The following CCDC73 variants were observed in gnomAD, a reference collection of about 807,000 sequenced individuals.
CCDC73 encodes coiled-coil domain containing 73.
A neutral mutation model predicts 116.5 loss-of-function variants in CCDC73; 95 were observed. That is an observed-to-expected ratio of 0.82 (90% CI 0.69 to 0.97). The LOEUF (loss-of-function observed/expected upper bound fraction) is 0.97. Ranked by LOEUF, CCDC73 falls within the 50% of genes least tolerant of loss-of-function variation. The pLI is 0.00. For missense variants in CCDC73, 1,066 were observed against 1,206.8 expected (o/e 0.88, Z 1.73); for synonymous variants, 398 against 401.3 (o/e 0.99, Z 0.10).
chr11:32,694,186 C>T lies in CCDC73; in HGVS notation c.390+5065G>A, dbSNP rs1319897500. Among the ~76,000 whole-genome samples the T allele has an allele frequency of 5.3e-5, 8 of 152,320 alleles. No homozygotes were observed. In the East Asian group the frequency reaches 1.5e-3, roughly 29 times the overall value. On this transcript the variant is annotated intron_variant, in intron 6 of 17. Coordinates refer to ENST00000335185, the MANE Select transcript of CCDC73 (RefSeq NM_001008391.4). ...AAACCCCATCGTCTCAGCCCAAAAT[C>T]TCCTTAAGCTGATAAGCAACTTCAG...
the CCDC73 span, among the ~76,000 whole-genome samples, chr11:32,808,714 G>A: frequency 6.6e-6 from 1 of 151,674 alleles, no homozygotes; most frequent in East Asian, 1.9e-4. Flanking sequence ...GCTTTTATAA[G>A]ATAAGAAATA....
chr11:32,676,763 G>A lies in CCDC73; in HGVS notation c.430-742C>T, dbSNP rs75951414. 9.2e-5 allele frequency among the ~76,000 whole-genome samples: 14 copies of A among 152,230 alleles called. No homozygotes were observed. In the East Asian group the frequency reaches 2.7e-3, roughly 29 times the overall value. On this transcript the variant is annotated intron_variant, in intron 7 of 17. Coordinates refer to ENST00000335185, the MANE Select transcript of CCDC73 (RefSeq NM_001008391.4). ...TCAGCCGCTGAACTCCAGCCCAGGT[G>A]ACAAAGCAAGACCCCATCGCTAAAA... is the stretch of plus-strand genomic sequence containing the variant.
chr11:32,640,897 G>C (rs1855726244), intron 13 of CCDC73, among the ~76,000 whole-genome samples: 1 of 151,860 alleles, frequency 6.6e-6, no homozygotes, highest in Admixed American at 6.6e-5. Context: ...GGTGCCTGTA[G>C]TCCCAGCTAC....
chr11:32,614,825 CTAAT>C lies in CCDC73; in HGVS notation c.1489_1492del (p.Ile497ValfsTer19), dbSNP rs1855460136. On this transcript the variant is annotated frameshift_variant, in exon 16 of 18. Coordinates refer to ENST00000335185, the MANE Select transcript of CCDC73 (RefSeq NM_001008391.4). LOFTEE classifies it high-confidence loss of function. ...CGTAACATTCGAGGTTTGTCCTTGA[CTAAT>C]TACTTCTTTATCTAAGGAGAGGGTT... 2 of 1,613,148 alleles carry C rather than the reference CTAAT, an allele frequency of 1.2e-6. No individual in the cohort carries two copies. Among genetic ancestry groups the C allele is most frequent in the Non-Finnish European group, 1.7e-6 (2 of 1,179,500 alleles).
intron 14 of CCDC73, among the ~76,000 whole-genome samples, chr11:32,629,686 T>C (rs1441166840): frequency 2.7e-5 from 4 of 148,634 alleles, no homozygotes; most frequent in Non-Finnish European, 4.4e-5. Flanking sequence ...TAAGCCTCCG[T>C]GCCCAGCCGA....
the CCDC73 span, among the ~76,000 whole-genome samples, chr11:32,814,906 T>TAATCACATGTGAAAGAAGTGATTAG: frequency 1.3e-5 from 2 of 152,182 alleles, no homozygotes; most frequent in African/African-American, 4.8e-5. Context: ...AACATCATGC[T>TAATCACATGTGAAAGAAGTGATTAG]AAGTGAAAGA....
chr11:32,808,416 A>T, the CCDC73 span, among the ~76,000 whole-genome samples: 2 of 152,228 alleles, frequency 1.3e-5, no homozygotes, highest in African/African-American at 4.8e-5. Context: ...AGGTGGGCAG[A>T]TAACTTGAGG....
chr11:32,774,338 C>G (rs759285523), intron 1 of CCDC73, among the ~76,000 whole-genome samples: 5 of 152,156 alleles, frequency 3.3e-5, no homozygotes. Flanking sequence ...CAATGCTCCT[C>G]TATTTGCTTT....
chr11:32,653,341 T>C (rs1855843619), intron 11 of CCDC73, 114 bp from the exon 12 acceptor site: 1 of 593,688 alleles, frequency 1.7e-6, no homozygotes, highest in Admixed American at 3.5e-5. Context: ...TAGTTTAATT[T>C]CAATACTTTA....
chr11:32,657,711 T>A (rs967198016), intron 9 of CCDC73, among the ~76,000 whole-genome samples: 3 of 152,110 alleles, frequency 2.0e-5, no homozygotes, highest in African/African-American at 7.2e-5. Context: ...CACAAATTGG[T>A]AATACCTCTA....
At chr11:32,809,761 A>G in the CCDC73 span, among the ~76,000 whole-genome samples, 5 of 152,184 alleles carry the variant, frequency 3.3e-5, no homozygotes, top group East Asian at 7.7e-4. Context: ...ATCATGACCT[A>G]ATCCTTGACT....
intron 3 of CCDC73, among the ~76,000 whole-genome samples, chr11:32,707,740 TA>T: frequency 6.6e-6 from 1 of 152,152 alleles, no homozygotes; most frequent in Non-Finnish European, 1.5e-5. Flanking sequence ...GGGGTAAATG[TA>T]TCACTCCTGA....
intron 13 of CCDC73, among the ~76,000 whole-genome samples, chr11:32,639,972 C>A (rs1017648109): frequency 1.3e-5 from 2 of 151,868 alleles, no homozygotes; most frequent in Non-Finnish European, 2.9e-5. Context: ...TTTTGAATGA[C>A]CAAATATGAA....
intron 9 of CCDC73, among the ~76,000 whole-genome samples, chr11:32,664,287 T>C (rs1241342219): frequency 1.3e-5 from 2 of 152,200 alleles, no homozygotes; most frequent in Non-Finnish European, 1.5e-5. Context: ...CCGGTAGAAT[T>C]TGGCTGTGAA....
At chr11:32,734,001 T>C (rs959422175) in intron 2 of CCDC73, among the ~76,000 whole-genome samples, 8 of 151,988 alleles carry the variant, frequency 5.3e-5, no homozygotes, top group Non-Finnish European at 8.8e-5. Context: ...TTTGAAAAGA[T>C]CAACAAAATT....
At chr11:32,766,500 G>C (rs1850443511) in intron 1 of CCDC73, among the ~76,000 whole-genome samples, 1 of 152,272 alleles carries the variant, frequency 6.6e-6, no homozygotes, top group Middle Eastern at 3.4e-3. Context: ...TTCAGTTAGG[G>C]AAAGAGGAAG....
chr11:32,803,302 G>A, the CCDC73 span, among the ~76,000 whole-genome samples: 1 of 151,658 alleles, frequency 6.6e-6, no homozygotes, highest in Non-Finnish European at 1.5e-5. Context: ...TGTTGGCCAG[G>A]GTCTTTTCAA....
chr11:32,774,332 G>A (rs1850514282), intron 1 of CCDC73, among the ~76,000 whole-genome samples: 1 of 152,088 alleles, frequency 6.6e-6, no homozygotes, highest in South Asian at 2.1e-4. Flanking sequence ...CAGTCACAAT[G>A]CTCCTCTATT....
intron 1 of CCDC73, among the ~76,000 whole-genome samples, chr11:32,765,515 T>C (rs568378116): frequency 5.9e-5 from 9 of 152,306 alleles, no homozygotes; most frequent in South Asian, 2.1e-4. Context: ...GAATGACTAC[T>C]GGGTCTATAA....
Sources: gnomAD v4.1 joint callset for allele counts (sites outside exome capture counted in the v4.1 genomes callset) on GRCh38, gnomAD v4.1.1 for gene constraint, MANE v1.5 for transcripts, NCBI Gene and HGNC (gene_info 2026-07-23, HGNC 2026-07-21) for gene names.